Variants in MTA3 observed in about 807,000 individuals in gnomAD.
The protein encoded by MTA3 is metastasis-associated protein MTA3.
In MTA3, 34 loss-of-function variants were observed where a neutral mutation model predicts 83.5. The ratio of observed to expected loss-of-function variants is 0.41; its 90% confidence interval spans 0.31 to 0.54. MTA3 has a LOEUF of 0.54. Among genes scored for constraint, MTA3 ranks in the 20% least tolerant of loss-of-function variants. The probability of loss-of-function intolerance (pLI) is 0.33; values close to 1 mark genes in which losing one functional copy is unlikely to be tolerated. For missense variants in MTA3, 761 were observed against 726.4 expected (o/e 1.05, Z -0.55); for synonymous variants, 303 against 252.7 (o/e 1.20, Z -1.89).
chr2:42,631,784 A>G (rs2374436), intron 4 of MTA3, among the ~76,000 whole-genome samples: 115,263 of 151,962 alleles, frequency 0.76, 44,100 homozygotes, highest in South Asian at 0.88. Context: ...CCACCTCCTG[A>G]GTTCAAGTGA....
intron 3 of MTA3, among the ~76,000 whole-genome samples, chr2:42,580,905 T>G (rs1161804939): frequency 1.3e-5 from 2 of 152,106 alleles, no homozygotes; most frequent in African/African-American, 4.8e-5. Context: ...ATACTTTGAT[T>G]TATAATCACT....
chr2:42,514,041 C>G (rs1156946251), intron 2 of MTA3, among the ~76,000 whole-genome samples: 14 of 152,136 alleles, frequency 9.2e-5, no homozygotes, highest in Admixed American at 2.6e-4. Flanking sequence ...TAGTGAAACC[C>G]CATCTTTACT....
intron 3 of MTA3, among the ~76,000 whole-genome samples, chr2:42,607,006 C>T (rs1488022132): frequency 7.0e-6 from 1 of 143,066 alleles, no homozygotes. Flanking sequence ...TGCAGTGAGC[C>T]GAGATGGCAG....
At chr2:42,533,080 A>ATT (rs1676051649) in intron 2 of MTA3, 2 of 148,780 alleles carry the variant, frequency 1.3e-5, no homozygotes, top group Non-Finnish European at 1.4e-5. Context: ...CTTGTGGGGC[A>ATT]TTCTTTTTTT....
chr2:42,580,494 C>A (rs1209006960), intron 3 of MTA3, among the ~76,000 whole-genome samples: 2 of 152,040 alleles, frequency 1.3e-5, no homozygotes, highest in East Asian at 3.9e-4. Context: ...GCCTCAGCCT[C>A]CTGGGTAGCT....
chr2:42,574,701 C>T (rs567850851), intron 2 of MTA3, among the ~76,000 whole-genome samples: 66 of 152,220 alleles, frequency 4.3e-4, no homozygotes, highest in Non-Finnish European at 8.4e-4. Flanking sequence ...GCTGGGATTA[C>T]AGGCGTGAAC....
chr2:42,701,477 G>T (rs1573676811), intron 11 of MTA3, among the ~76,000 whole-genome samples: 1 of 150,754 alleles, frequency 6.6e-6, no homozygotes, highest in Non-Finnish European at 1.5e-5. Context: ...CACACCTGCA[G>T]TCCCAGCTAC....
At chr2:42,718,869 C>T (rs1013023322) in intron 14 of MTA3, 119 bp from the exon 15 acceptor site, 12 of 679,416 alleles carry the variant, frequency 1.8e-5, no homozygotes, top group East Asian at 8.4e-5. Flanking sequence ...GGAAATTATG[C>T]GGGAATCTGG....
intron 4 of MTA3, among the ~76,000 whole-genome samples, chr2:42,625,627 G>A (rs1428727162): frequency 6.7e-6 from 1 of 149,826 alleles, no homozygotes; most frequent in African/African-American, 2.5e-5. Flanking sequence ...GGCGCCTGTA[G>A]TCCCAGCTAC....
chr2:42,744,344 C>A (rs1669252657), intron 16 of MTA3, among the ~76,000 whole-genome samples: 1 of 152,174 alleles, frequency 6.6e-6, no homozygotes, highest in Non-Finnish European at 1.5e-5. Context: ...CAGCTTCTCC[C>A]AGAGAGTACT....
chr2:42,700,841 C>T (rs942196536), intron 11 of MTA3, among the ~76,000 whole-genome samples: 2 of 152,200 alleles, frequency 1.3e-5, no homozygotes, highest in Non-Finnish European at 2.9e-5. Flanking sequence ...TGGCTCATGC[C>T]TGTAATCCCA....
intron 2 of MTA3, among the ~76,000 whole-genome samples, chr2:42,536,598 G>C (rs1013557592): frequency 7.2e-5 from 11 of 151,894 alleles, no homozygotes; most frequent in Admixed American, 4.6e-4. Flanking sequence ...GGTGGCTCAC[G>C]CCTGTAATCC....
At chr2:42,584,967 T>C (rs535443889) in intron 3 of MTA3, among the ~76,000 whole-genome samples, 1 of 151,986 alleles carries the variant, frequency 6.6e-6, no homozygotes, top group East Asian at 1.9e-4. Flanking sequence ...AGTCTCGCTC[T>C]GTCACCTAGG....
At chr2:42,591,116 GT>G (rs35542994) in intron 3 of MTA3, among the ~76,000 whole-genome samples, 113,222 of 152,020 alleles carry the variant, frequency 0.74, 42,466 homozygotes, top group South Asian at 0.88. Flanking sequence ...AACCTAGATG[GT>G]ATAGCCTATT....
At chr2:42,692,371 C>CATCT in intron 9 of MTA3, among the ~76,000 whole-genome samples, 3 of 149,726 alleles carry the variant, frequency 2.0e-5, no homozygotes, top group African/African-American at 7.3e-5. Flanking sequence ...TTCCTTCTGT[C>CATCT]TGTCATCTTG....
At chr2:42,547,498 T>C (rs1169143684) in intron 2 of MTA3, among the ~76,000 whole-genome samples, 1 of 152,198 alleles carries the variant, frequency 6.6e-6, no homozygotes, top group Admixed American at 6.5e-5. Flanking sequence ...GCCCGGCTAA[T>C]TTTTGTATTT....
chr2:42,580,907 A>G (rs564235005), intron 3 of MTA3, among the ~76,000 whole-genome samples: 3 of 152,194 alleles, frequency 2.0e-5, no homozygotes, highest in South Asian at 2.1e-4. Flanking sequence ...ACTTTGATTT[A>G]TAATCACTAT....
intron 14 of MTA3, among the ~76,000 whole-genome samples, chr2:42,717,271 C>T (rs1667096739): frequency 6.6e-6 from 1 of 151,566 alleles, no homozygotes; most frequent in African/African-American, 2.4e-5. Flanking sequence ...AAGGAAATTC[C>T]CTGTGTGTAT....
intron 16 of MTA3, among the ~76,000 whole-genome samples, chr2:42,727,214 A>T (rs574375748): frequency 1.7e-4 from 26 of 152,280 alleles, no homozygotes; most frequent in Middle Eastern, 3.4e-3. Flanking sequence ...AGAAAGAAAG[A>T]AAGAAAGAAA....
Sources: gnomAD v4.1 joint callset for allele counts (sites outside exome capture counted in the v4.1 genomes callset) on GRCh38, gnomAD v4.1.1 for gene constraint, MANE v1.5 for transcripts, NCBI Gene and HGNC (gene_info 2026-07-23, HGNC 2026-07-21) for gene names.